DNAH3: variants seen among roughly 807,000 people sequenced by gnomAD.
DNAH3 encodes the protein axonemal beta dynein heavy chain 3.
DNAH3 carries 332 observed loss-of-function variants against 432.5 expected under a neutral mutation model. The observed-to-expected ratio is 0.77, with a 90% confidence interval of 0.70 to 0.84. The LOEUF is 0.84. Among genes scored for constraint, DNAH3 ranks in the 40% least tolerant of loss-of-function variants. The pLI, the probability that DNAH3 is intolerant of heterozygous loss-of-function variation, is 0.00. For synonymous variants in DNAH3, 1,956 were observed against 1,900.2 expected (o/e 1.03, Z -0.76); for missense variants, 4,861 against 5,114.0 (o/e 0.95, Z 1.51).
At chr16:21,136,270 A>C in intron 6 of DNAH3, 54 bp downstream of exon 7, 1 of 1,503,836 alleles carries the variant, frequency 6.6e-7, no homozygotes, top group Non-Finnish European at 9.1e-7. Context: ...AATAAAAAAG[A>C]AGGTGCCCTC....
intron 60 of DNAH3, among the ~76,000 whole-genome samples, chr16:20,935,891 CAG>C (rs919948708): frequency 3.3e-5 from 5 of 150,072 alleles, no homozygotes; most frequent in Non-Finnish European, 1.5e-5. Context: ...AGGGATACAA[CAG>C]AGAGTGGTGG....
chr16:21,136,061 T>C (rs2092638333), intron 6 of DNAH3, among the ~76,000 whole-genome samples: 1 of 151,926 alleles, frequency 6.6e-6, no homozygotes, highest in African/African-American at 2.4e-5. Context: ...AGCGGTTAAA[T>C]GATGTTTTGG....
intron 7 of DNAH3, among the ~76,000 whole-genome samples, chr16:21,133,729 A>G (rs1007067728): frequency 2.6e-5 from 4 of 152,336 alleles, no homozygotes; most frequent in South Asian, 4.1e-4. Flanking sequence ...AACAAGAGCC[A>G]AACTCTGTCT....
chr16:20,961,352 C>T lies in DNAH3; in HGVS notation c.10600+1932G>A, dbSNP rs867886716. Among the ~76,000 whole-genome samples, 96 of 151,702 alleles carry T rather than the reference C, an allele frequency of 6.3e-4. 2 individuals carry two copies. Among genetic ancestry groups the T allele is most frequent in the Non-Finnish European group, 2.4e-4 (16 of 67,968 alleles). On this transcript the variant is annotated intron_variant, in intron 53 of 61. Coordinates refer to ENST00000261383, the Ensembl canonical transcript of DNAH3. Reference sequence around the variant, plus strand: ...ACACACCAGGGCCTGTCGTGGGGTGCGGGGAGGGAGAAAGGATAGCATTAG... The same window carrying T: ...ACACACCAGGGCCTGTCGTGGGGTGTGGGGAGGGAGAAAGGATAGCATTAG...
chr16:21,152,883 C>A (rs557127475), intron 1 of DNAH3, among the ~76,000 whole-genome samples: 99 of 152,374 alleles, frequency 6.5e-4, no homozygotes, highest in South Asian at 2.5e-3. Context: ...CCTCCCACCC[C>A]CTCCGTGGGC....
At chr16:21,067,757 T>TGAGGGGGGGGGTGGGG (rs1469229191) in intron 23 of DNAH3, among the ~76,000 whole-genome samples, 1 of 29,804 alleles carries the variant, frequency 3.4e-5, no homozygotes, top group Non-Finnish European at 5.7e-5. Context: ...AAGCCAGTCT[T>TGAGGGGGGGGGTGGGG]GGGGGGGGGG....
chr16:21,076,422 C>T (rs1380331204), intron 20 of DNAH3, among the ~76,000 whole-genome samples: 2 of 152,172 alleles, frequency 1.3e-5, no homozygotes, highest in African/African-American at 4.8e-5. Context: ...TTGTGTAAGC[C>T]ACTCAGTCTG....
rs569969843 is a variant in DNAH3 at position 20,950,037 on chromosome 16, G to A, written c.11189-1400C>T. On this transcript the variant is annotated intron_variant, in intron 56 of 61. Coordinates refer to ENST00000261383, the Ensembl canonical transcript of DNAH3. The stretch of plus-strand genomic sequence containing the variant: ...TATTATTATTACTAGTTTTAGAGAC[G>A]GGATCTTGCTGTTTTGCCCAGGCTG... 2.7e-4 allele frequency among the ~76,000 whole-genome samples: 41 copies of A among 152,196 alleles called. 1 individual carries two copies. The South Asian group carries it at 4.8e-3, about 18-fold the overall frequency.
At chr16:21,119,340 A>G (rs928070555) in intron 11 of DNAH3, among the ~76,000 whole-genome samples, 1 of 152,158 alleles carries the variant, frequency 6.6e-6, no homozygotes, top group African/African-American at 2.4e-5. Flanking sequence ...AGTCAAGAAC[A>G]ATCGCATTCG....
chr16:20,935,843 CAAAA>C (rs61499842), intron 60 of DNAH3, among the ~76,000 whole-genome samples: 4 of 56,012 alleles, frequency 7.1e-5, no homozygotes, highest in Non-Finnish European at 1.1e-4. Flanking sequence ...AACTTCATCT[CAAAA>C]AAAAAAAAAA....
In DNAH3 at chr16:21,117,357, C is replaced by T. The variant is rs750538552; in HGVS notation, c.1700-40G>A. On this transcript the variant is annotated intron_variant, in intron 11 of 61. Transcript: ENST00000261383. ...GATTCCACCTGAAGAGTAAACACCA[C>T]TTTTGCATGTTGCAAGACTTAAGAA... 3 of 1,391,734 alleles carry T rather than the reference C, an allele frequency of 2.2e-6. No homozygotes were observed. In the South Asian group the frequency reaches 3.6e-5, roughly 16 times the overall value. 86.2% of individuals were successfully genotyped at this position (1,391,734 alleles called of 1,614,324 possible). A position where few individuals can be genotyped will look rare whatever the true frequency, so the allele number is the denominator to read the frequency against.
At chr16:21,145,220 C>A (rs758130433) in exon 3 of DNAH3, 1 of 1,612,918 alleles carries the variant, frequency 6.2e-7, no homozygotes, top group South Asian at 1.1e-5. Context: ...TCCCTAGGGA[C>A]ACTGATGGTG....
exon 42 of DNAH3, chr16:21,003,118 G>T: frequency 1.2e-6 from 2 of 1,609,520 alleles, no homozygotes; most frequent in Non-Finnish European, 1.7e-6. Flanking sequence ...GCACCAGCTG[G>T]AACTTTTTCC....
intron 57 of DNAH3, among the ~76,000 whole-genome samples, chr16:20,946,023 A>G (rs763805212): frequency 4.6e-5 from 7 of 152,080 alleles, no homozygotes; most frequent in Non-Finnish European, 7.4e-5. Flanking sequence ...AGACCCTCCA[A>G]CCATCTGAAT....
intron 20 of DNAH3, among the ~76,000 whole-genome samples, chr16:21,077,638 C>T (rs557224899): frequency 5.9e-5 from 9 of 152,230 alleles, no homozygotes; most frequent in Non-Finnish European, 1.2e-4. Context: ...AGAGAAGAGG[C>T]AAACAAATTC....
chr16:21,074,361 G>A (rs1054539786), intron 21 of DNAH3, among the ~76,000 whole-genome samples: 2 of 152,122 alleles, frequency 1.3e-5, no homozygotes, highest in Non-Finnish European at 2.9e-5. Context: ...GAATCCATTG[G>A]GAGATTTTAA....
chr16:21,060,266 T>C (rs1418605693), exon 26 of DNAH3: 2 of 1,613,236 alleles, frequency 1.2e-6, no homozygotes, highest in Non-Finnish European at 1.7e-6. Context: ...TTGTTTACCT[T>C]GACATATGCT....
intron 27 of DNAH3, among the ~76,000 whole-genome samples, 186 bp downstream of exon 27, chr16:21,057,900 G>A (rs1388920431): frequency 6.6e-6 from 1 of 152,194 alleles, no homozygotes; most frequent in Non-Finnish European, 1.5e-5. Flanking sequence ...TCGTACCATA[G>A]AATTGCAGGA....
chr16:21,129,844 G>A lies in DNAH3; in HGVS notation c.1083-2032C>T, dbSNP rs1301385181. On this transcript the variant is annotated intron_variant, in intron 7 of 61. Coordinates refer to ENST00000261383, the Ensembl canonical transcript of DNAH3. ...CAAACAAGTGTTTTATGGGCAAGCA[G>A]CCCCACCCCAGCCCCACACAAACCA... The A allele has an allele frequency of 2.0e-5, 3 of 152,018 alleles. No individual in the cohort carries two copies. The South Asian group carries it at 6.2e-4, about 32-fold the overall frequency. 9.4% of individuals were successfully genotyped at this position (152,018 alleles called of 1,614,324 possible).
Sources: allele counts gnomAD v4.1 joint callset (sites outside exome capture counted in the v4.1 genomes callset), GRCh38; gene constraint gnomAD v4.1.1; transcripts MANE v1.5; gene names NCBI Gene and HGNC (gene_info 2026-07-23, HGNC 2026-07-21).